Variants in NBAS observed in about 807,000 individuals in gnomAD.
The protein encoded by NBAS is NAG/BC035112 fusion.
In NBAS, 219 loss-of-function variants were observed where a neutral mutation model predicts 302.5. The observed-to-expected ratio is 0.72, with a 90% CI of 0.65 to 0.81. The LOEUF is 0.81. NBAS is among the 30% of genes least tolerant of loss of function. The pLI, the probability that NBAS is intolerant of heterozygous loss-of-function variation, is 0.00. For synonymous variants in NBAS, 1,118 were observed against 1,021.6 expected (o/e 1.09, Z -1.80); for missense variants, 2,932 against 2,841.6 (o/e 1.03, Z -0.72).
At chr2:15,057,393 C>CT in the NBAS span, among the ~76,000 whole-genome samples, 9 of 148,406 alleles carry the variant, frequency 6.1e-5, no homozygotes, top group South Asian at 4.3e-4. Context: ...CCTTTGATAC[C>CT]TTTTTTTTTT....
intron 50 of NBAS, among the ~76,000 whole-genome samples, chr2:15,186,478 C>CA (rs1665092790): frequency 6.6e-6 from 1 of 151,820 alleles, no homozygotes; most frequent in Non-Finnish European, 1.5e-5. Flanking sequence ...TTGAGTTTGA[C>CA]AAAAAAGGGC....
chr2:14,967,536 A>C, the NBAS span, among the ~76,000 whole-genome samples: 1 of 152,218 alleles, frequency 6.6e-6, no homozygotes, highest in Admixed American at 6.5e-5. Flanking sequence ...ACCTCAGTAA[A>C]AACTATTCAC....
At chr2:15,343,930 A>G (rs1298808853) in intron 35 of NBAS, among the ~76,000 whole-genome samples, 1 of 151,400 alleles carries the variant, frequency 6.6e-6, no homozygotes, top group Admixed American at 6.6e-5. Context: ...AGTCAAATAT[A>G]CACTGAGAGA....
At chr2:15,227,234 G>A (rs1436950385) in intron 47 of NBAS, among the ~76,000 whole-genome samples, 1 of 151,834 alleles carries the variant, frequency 6.6e-6, no homozygotes, top group East Asian at 1.9e-4. Context: ...ATCTGAAGAA[G>A]AAAGAAAGCA....
the NBAS span, among the ~76,000 whole-genome samples, chr2:15,085,159 T>TG: frequency 7.9e-5 from 12 of 152,008 alleles, no homozygotes; most frequent in African/African-American, 2.9e-4. Context: ...GGGCCCGGGG[T>TG]GGTGCCACAC....
At chr2:15,113,032 G>C in the NBAS span, among the ~76,000 whole-genome samples, 1 of 152,084 alleles carries the variant, frequency 6.6e-6, no homozygotes, top group African/African-American at 2.4e-5. Flanking sequence ...ATGAAAAAAA[G>C]GAGAGAATGA....
At chr2:15,272,276 A>C (rs559877144) in intron 44 of NBAS, among the ~76,000 whole-genome samples, 1 of 152,212 alleles carries the variant, frequency 6.6e-6, no homozygotes, top group South Asian at 2.1e-4. Context: ...ATTTCTTTCT[A>C]AATTAAATGT....
intron 36 of NBAS, 104 bp downstream of exon 36, chr2:15,330,493 CA>C: frequency 6.2e-6 from 9 of 1,445,790 alleles, no homozygotes; most frequent in Non-Finnish European, 8.6e-6. Flanking sequence ...ATTGTTTTAA[CA>C]ATCTAGAGAA....
At chr2:15,126,843 A>G in the NBAS span, among the ~76,000 whole-genome samples, 5 of 152,160 alleles carry the variant, frequency 3.3e-5, no homozygotes, top group Non-Finnish European at 4.4e-5. Flanking sequence ...ATTTCATTTC[A>G]TCTTTACAAT....
chr2:15,381,911 G>A (rs1213415904), intron 29 of NBAS, among the ~76,000 whole-genome samples: 1 of 151,876 alleles, frequency 6.6e-6, no homozygotes, highest in East Asian at 1.9e-4. Context: ...ATTTCACAAA[G>A]CAGAGACCTA....
At chr2:14,990,248 A>C in the NBAS span, among the ~76,000 whole-genome samples, 1 of 144,422 alleles carries the variant, frequency 6.9e-6, no homozygotes, top group African/African-American at 2.7e-5. Flanking sequence ...CCCTGTCCCT[A>C]CTAAAACTCC....
the NBAS span, among the ~76,000 whole-genome samples, chr2:15,094,818 C>T: frequency 3.0e-4 from 46 of 152,166 alleles, no homozygotes; most frequent in Non-Finnish European, 5.1e-4. Context: ...AGGAAGCCGA[C>T]GGGGTCTCAG....
intron 12 of NBAS, among the ~76,000 whole-genome samples, chr2:15,486,391 G>C (rs1415830746): frequency 2.0e-4 from 30 of 152,234 alleles, no homozygotes; most frequent in Admixed American, 2.0e-3. Context: ...AAGTTGCATA[G>C]CTCCCCTGAT....
intron 38 of NBAS, among the ~76,000 whole-genome samples, chr2:15,312,293 G>A (rs1354127702): frequency 1.3e-5 from 2 of 151,930 alleles, no homozygotes; most frequent in African/African-American, 4.8e-5. Context: ...ACTTTTTAAA[G>A]AGATGGGGTC....
At chr2:15,189,812 T>A (rs1665262342) in intron 49 of NBAS, among the ~76,000 whole-genome samples, 1 of 152,180 alleles carries the variant, frequency 6.6e-6, no homozygotes. Flanking sequence ...CCTTCATGTA[T>A]AAAATCAGAT....
At position 15,377,458 on chromosome 2, in the gene NBAS, C is replaced by G. The variant is rs142206963; in HGVS notation, c.3590+2144G>C. Among the ~76,000 whole-genome samples, 882 of 152,328 alleles carry G rather than the reference C, an allele frequency of 5.8e-3. 7 individuals are homozygous for G. The highest frequency in any genetic ancestry group is 0.019 in the African/African-American group (796 of 41,564). On this transcript the variant is annotated intron_variant, in intron 30 of 51. Coordinates refer to ENST00000281513, the MANE Select transcript of NBAS (RefSeq NM_015909.4). Reference sequence around the variant, plus strand: ...TTGCATTATCCATCTACAACAGGCACAGTTCTAACTATTTTACATACTCAG... The same window carrying G: ...TTGCATTATCCATCTACAACAGGCAGAGTTCTAACTATTTTACATACTCAG...
chr2:15,199,460 A>G (rs1056710457), intron 48 of NBAS, among the ~76,000 whole-genome samples: 2 of 152,222 alleles, frequency 1.3e-5, no homozygotes, highest in African/African-American at 2.4e-5. Flanking sequence ...AAGCATCTAA[A>G]TATATTTCAT....
the NBAS span, among the ~76,000 whole-genome samples, chr2:14,992,699 C>A: frequency 3.1e-4 from 47 of 152,290 alleles, no homozygotes; most frequent in African/African-American, 1.1e-3. Context: ...ATGTTCCACA[C>A]CAGTGTCCTT....
At chr2:15,174,336 G>T (rs999415424) in intron 51 of NBAS, among the ~76,000 whole-genome samples, 3 of 152,206 alleles carry the variant, frequency 2.0e-5, no homozygotes, top group South Asian at 4.1e-4. Flanking sequence ...AGATTACAGG[G>T]GATAGGAATC....
Sources: gnomAD v4.1 joint callset for allele counts (sites outside exome capture counted in the v4.1 genomes callset) on GRCh38, gnomAD v4.1.1 for gene constraint, MANE v1.5 for transcripts, NCBI Gene and HGNC (gene_info 2026-07-23, HGNC 2026-07-21) for gene names.